The following MCTP1 variants were observed in gnomAD, a reference collection of about 807,000 sequenced individuals.
MCTP1 encodes multiple C2 and transmembrane domain containing 1.
MCTP1 carries 69 observed loss-of-function variants against 120.6 expected under a neutral mutation model. That is an observed-to-expected ratio of 0.57 (90% CI 0.47 to 0.70). MCTP1 has a LOEUF of 0.70. Among genes scored for constraint, MCTP1 ranks in the 30% least tolerant of loss-of-function variants. The pLI, the probability that MCTP1 is intolerant of heterozygous loss-of-function variation, is 0.00. For missense variants in MCTP1, 1,203 were observed against 1,248.8 expected (o/e 0.96, Z 0.55); for synonymous variants, 529 against 493.1 (o/e 1.07, Z -0.96).
At chr5:94,993,386 G>C (rs1831988876) in intron 2 of MCTP1, among the ~76,000 whole-genome samples, 1 of 152,048 alleles carries the variant, frequency 6.6e-6, no homozygotes, top group Admixed American at 6.6e-5. Flanking sequence ...AACAACACCT[G>C]GAACATAATA....
At chr5:95,003,971 A>G (rs571869563) in intron 2 of MCTP1, among the ~76,000 whole-genome samples, 1 of 152,310 alleles carries the variant, frequency 6.6e-6, no homozygotes, top group East Asian at 1.9e-4. Context: ...AAAAGTTTGG[A>G]ACCTCCTAGA....
chr5:94,712,750 G>A (rs1299522678), intron 20 of MCTP1, among the ~76,000 whole-genome samples: 1 of 151,754 alleles, frequency 6.6e-6, no homozygotes, highest in Admixed American at 6.6e-5. Flanking sequence ...GGATACCTGT[G>A]CCTCCCTTGC....
intron 1 of MCTP1, among the ~76,000 whole-genome samples, chr5:95,065,312 G>GA (rs943124032): frequency 8.7e-5 from 13 of 149,142 alleles, no homozygotes; most frequent in South Asian, 6.3e-4. Flanking sequence ...TGCAAGAAAA[G>GA]AAAAAAAAAC....
Position 94,910,345 on chromosome 5 carries a change from A to G in MCTP1, c.1522-964T>C, listed in dbSNP as rs148493097. ...ATTCAGATAAGTCATCCTGTATGGT[A>G]GAATCAATGAGCAAAGTAACCTATA... On this transcript the variant is annotated intron_variant, in intron 9 of 22. Transcript: ENST00000515393. Among the ~76,000 whole-genome samples the G allele has an allele frequency of 5.2e-3, 786 of 151,956 alleles. 6 individuals carry two copies. The highest frequency in any genetic ancestry group is 0.031 in the Middle Eastern group (9 of 294).
At chr5:94,736,545 A>G (rs569276211) in intron 19 of MCTP1, among the ~76,000 whole-genome samples, 25 of 152,320 alleles carry the variant, frequency 1.6e-4, no homozygotes, top group South Asian at 8.3e-4. Context: ...ATATAGATAA[A>G]TAAAGGCAAT....
At chr5:95,083,065 G>A (rs897459165) in intron 1 of MCTP1, among the ~76,000 whole-genome samples, 8 of 152,202 alleles carry the variant, frequency 5.3e-5, no homozygotes, top group Middle Eastern at 3.4e-3. Context: ...TAAGAAACCC[G>A]AGGGCAGGAA....
intron 1 of MCTP1, chr5:95,081,425 C>T: frequency 1.2e-6 from 2 of 1,611,192 alleles, no homozygotes; most frequent in Non-Finnish European, 1.7e-6. Context: ...ATGTTACTTA[C>T]CTTATTACAA....
chr5:94,866,192 C>CTGAT (rs1796758358), intron 17 of MCTP1, among the ~76,000 whole-genome samples: 1 of 151,812 alleles, frequency 6.6e-6, no homozygotes, highest in African/African-American at 2.4e-5. Flanking sequence ...TTCAGATTAA[C>CTGAT]TGATTGGTTC....
At chr5:95,097,366 A>C (rs1397416244) in intron 1 of MCTP1, among the ~76,000 whole-genome samples, 1 of 152,228 alleles carries the variant, frequency 6.6e-6, no homozygotes, top group East Asian at 1.9e-4. Flanking sequence ...ATGAGAAAGA[A>C]GCGGATATGG....
At chr5:94,887,921 T>C (rs149909576) in intron 12 of MCTP1, among the ~76,000 whole-genome samples, 3 of 152,330 alleles carry the variant, frequency 2.0e-5, no homozygotes, top group African/African-American at 7.2e-5. Flanking sequence ...TGCACAGTGA[T>C]TTCAGGTCCT....
chr5:94,776,854 G>A (rs1401200970), intron 19 of MCTP1, among the ~76,000 whole-genome samples: 7 of 152,104 alleles, frequency 4.6e-5, no homozygotes, highest in Non-Finnish European at 2.9e-5. Context: ...AACATTTACC[G>A]CTGTGAAAGC....
intron 3 of MCTP1, among the ~76,000 whole-genome samples, chr5:94,952,160 A>G (rs1382355964): frequency 7.4e-6 from 1 of 134,628 alleles, no homozygotes; most frequent in Admixed American, 7.7e-5. Context: ...TGACAGAATG[A>G]GACTTTGTCG....
At chr5:94,870,809 G>A in intron 15 of MCTP1, 63 bp downstream of exon 15, 1 of 1,132,758 alleles carries the variant, frequency 8.8e-7, no homozygotes, top group Non-Finnish European at 1.3e-6. Flanking sequence ...TACAAATCAG[G>A]AACAAAAGCT....
intron 18 of MCTP1, chr5:94,784,931 A>C (rs1004082332): frequency 1.3e-5 from 2 of 152,136 alleles, no homozygotes; most frequent in Non-Finnish European, 2.9e-5. Flanking sequence ...GTTGTAATTT[A>C]GTCTGATTCT....
At chr5:94,878,473 C>A (rs1267377341) in intron 12 of MCTP1, among the ~76,000 whole-genome samples, 2 of 151,932 alleles carry the variant, frequency 1.3e-5, no homozygotes, top group African/African-American at 2.4e-5. Flanking sequence ...AAAATTGACA[C>A]CCTAGAGTTG....
intron 19 of MCTP1, among the ~76,000 whole-genome samples, chr5:94,773,280 CT>C (rs562864684): frequency 3.3e-3 from 501 of 152,310 alleles, no homozygotes; most frequent in Non-Finnish European, 5.8e-3. Context: ...GTTTACACCC[CT>C]GGCATGAGAT....
intron 1 of MCTP1, among the ~76,000 whole-genome samples, chr5:95,076,047 T>C (rs1265692296): frequency 6.6e-6 from 1 of 152,194 alleles, no homozygotes; most frequent in East Asian, 1.9e-4. Context: ...CCTGAAACAG[T>C]GGATTGTACT....
intron 1 of MCTP1, among the ~76,000 whole-genome samples, chr5:95,129,493 T>A (rs1758872982): frequency 1.3e-5 from 2 of 152,206 alleles, no homozygotes; most frequent in Non-Finnish European, 2.9e-5. Context: ...TTGACAGGGC[T>A]AACGGATGCC....
At chr5:94,942,464 T>A (rs749824233) in intron 3 of MCTP1, 37 bp from the exon 4 acceptor site, 30 of 1,426,090 alleles carry the variant, frequency 2.1e-5, no homozygotes, top group South Asian at 1.1e-5. Flanking sequence ...GTTATAAATA[T>A]CTCCAATATA....
Sources: allele counts gnomAD v4.1 joint callset (sites outside exome capture counted in the v4.1 genomes callset), GRCh38; gene constraint gnomAD v4.1.1; transcripts MANE v1.5; gene names NCBI Gene and HGNC (gene_info 2026-07-23, HGNC 2026-07-21).